The following PGCKA1 variants were observed in gnomAD, a reference collection of about 807,000 sequenced individuals.
PGCKA1 encodes PDCD10 and GCKIII kinases-associated protein 1.
At chr4:37,486,928 G>A in the PGCKA1 span, among the ~76,000 whole-genome samples, 1 of 152,092 alleles carries the variant, frequency 6.6e-6, no homozygotes, top group African/African-American at 2.4e-5. Context: ...TTCTGAAAAC[G>A]TGACTCAGCC....
chr4:37,577,514 A>G, the PGCKA1 span, among the ~76,000 whole-genome samples: 1 of 152,114 alleles, frequency 6.6e-6, no homozygotes, highest in East Asian at 1.9e-4. Flanking sequence ...TTCAAAAAAA[A>G]CCAATCTTTT....
At chr4:37,493,148 G>C in the PGCKA1 span, among the ~76,000 whole-genome samples, 1 of 151,998 alleles carries the variant, frequency 6.6e-6, no homozygotes, top group African/African-American at 2.4e-5. Context: ...TAATTATTCT[G>C]CTTTTAATAA....
At chr4:37,516,911 C>G in the PGCKA1 span, among the ~76,000 whole-genome samples, 3 of 152,062 alleles carry the variant, frequency 2.0e-5, no homozygotes, top group Non-Finnish European at 4.4e-5. Flanking sequence ...CTTTTAATAG[C>G]ACACTTTAAA....
At chr4:37,588,354 T>G in the PGCKA1 span, 180 of 155,032 alleles carry the variant, frequency 1.2e-3, 1 homozygote, top group East Asian at 0.011. Flanking sequence ...GCCTGAATCA[T>G]GGGACACAAT....
the PGCKA1 span, among the ~76,000 whole-genome samples, chr4:37,492,280 G>A: frequency 1.4e-4 from 21 of 151,906 alleles, 1 homozygote; most frequent in South Asian, 6.2e-4. This position sits in a 1 kb window ranked among gnomAD's most constrained non-coding sequence, Gnocchi z 4.7. Flanking sequence ...GGCTTTCCCC[G>A]GCTACCTGAT....
At chr4:37,570,044 A>G in the PGCKA1 span, among the ~76,000 whole-genome samples, 4 of 137,550 alleles carry the variant, frequency 2.9e-5, no homozygotes, top group South Asian at 9.0e-4. Flanking sequence ...CAGTGGCGCC[A>G]TCTCGGCTCA....
the PGCKA1 span, among the ~76,000 whole-genome samples, chr4:37,498,237 A>G: frequency 6.6e-6 from 1 of 151,938 alleles, no homozygotes; most frequent in African/African-American, 2.4e-5. Flanking sequence ...GGGTTTATTT[A>G]TGGGATCTCT....
At chr4:37,474,379 A>G in the PGCKA1 span, among the ~76,000 whole-genome samples, 5 of 152,156 alleles carry the variant, frequency 3.3e-5, no homozygotes, top group African/African-American at 1.2e-4. Context: ...TCTGTTATTT[A>G]TAAATTACTC....
chr4:37,521,674 A>G, the PGCKA1 span, among the ~76,000 whole-genome samples: 1 of 152,164 alleles, frequency 6.6e-6, no homozygotes, highest in East Asian at 1.9e-4. Context: ...TGTTGGATGA[A>G]ATGTTCTGTA....
At chr4:37,516,170 C>T in the PGCKA1 span, among the ~76,000 whole-genome samples, 6 of 152,286 alleles carry the variant, frequency 3.9e-5, no homozygotes, top group Admixed American at 3.3e-4. Context: ...AAGTGGCTGG[C>T]GCCGTAAAGG....
the PGCKA1 span, among the ~76,000 whole-genome samples, chr4:37,459,144 GA>G: frequency 1.3e-5 from 2 of 150,510 alleles, no homozygotes; most frequent in South Asian, 2.1e-4. Flanking sequence ...AGTTTTGCGT[GA>G]AAAAAAAATC....
chr4:37,561,803 T>C, the PGCKA1 span, among the ~76,000 whole-genome samples: 1 of 152,246 alleles, frequency 6.6e-6, no homozygotes, highest in Non-Finnish European at 1.5e-5. Flanking sequence ...AACTGATCAA[T>C]ATATAACTTG....
the PGCKA1 span, chr4:37,591,650 C>T: frequency 6.6e-6 from 1 of 152,170 alleles, no homozygotes; most frequent in Non-Finnish European, 1.5e-5. Flanking sequence ...TTGACCTTAA[C>T]TTTTTTACAT....
At chr4:37,547,976 TAA>T in the PGCKA1 span, among the ~76,000 whole-genome samples, 96 of 102,544 alleles carry the variant, frequency 9.4e-4, no homozygotes, top group African/African-American at 3.1e-3. Context: ...AAGTTCTCTT[TAA>T]AAAAAAAAAA....
the PGCKA1 span, among the ~76,000 whole-genome samples, chr4:37,593,272 T>C: frequency 1.3e-5 from 2 of 152,334 alleles, no homozygotes; most frequent in African/African-American, 4.8e-5. Context: ...TTACCTCTTA[T>C]GTAAAAGAAG....
chr4:37,541,453 A>T, the PGCKA1 span, among the ~76,000 whole-genome samples: 2 of 152,206 alleles, frequency 1.3e-5, no homozygotes, highest in African/African-American at 4.8e-5. Flanking sequence ...AGACCCTTTA[A>T]CAGGGTGGTG....
the PGCKA1 span, among the ~76,000 whole-genome samples, chr4:37,491,988 G>T: frequency 6.6e-6 from 1 of 150,520 alleles, no homozygotes; most frequent in Non-Finnish European, 1.5e-5. Context: ...TTATTTTCTT[G>T]CTTCATTAAG....
At chr4:37,569,107 G>A in the PGCKA1 span, among the ~76,000 whole-genome samples, 4 of 152,048 alleles carry the variant, frequency 2.6e-5, no homozygotes, top group East Asian at 3.9e-4. Flanking sequence ...AAAAAAAAAG[G>A]GGGGGAGAGA....
At chr4:37,590,954 C>G in the PGCKA1 span, 2 of 1,613,726 alleles carry the variant, frequency 1.2e-6, no homozygotes, top group Non-Finnish European at 1.7e-6. Flanking sequence ...GCCCTTGCAG[C>G]TTTAGAAGCT....
Sources: allele counts gnomAD v4.1 joint callset (sites outside exome capture counted in the v4.1 genomes callset), GRCh38; gene constraint gnomAD v4.1.1; non-coding constraint Gnocchi (gnomAD v3.1); transcripts MANE v1.5; gene names NCBI Gene and HGNC (gene_info 2026-07-23, HGNC 2026-07-21).